Variants in OTUB2 observed in about 807,000 individuals in gnomAD.
OTUB2 encodes the protein OTU deubiquitinase, ubiquitin aldehyde binding 2.
In OTUB2, 21 loss-of-function variants were observed where a neutral mutation model predicts 25.1. The observed-to-expected ratio is 0.84, with a 90% CI of 0.59 to 1.21. The LOEUF is 1.21. OTUB2 is among the 50% of genes most tolerant of loss of function. The pLI, the probability that OTUB2 is intolerant of heterozygous loss-of-function variation, is 0.00. For missense variants in OTUB2, 283 were observed against 298.0 expected (o/e 0.95, Z 0.37); for synonymous variants, 122 against 122.8 (o/e 0.99, Z 0.04).
rs1258476302 is a variant in OTUB2 at position 94,047,285 on chromosome 14, T to G, written c.*1363T>G. On this transcript the variant is annotated 3_prime_UTR_variant, in exon 6 of 6. Coordinates refer to ENST00000203664, the MANE Select transcript of OTUB2 (RefSeq NM_023112.4). ...TGCATGAGTCTGCTGACAACCTGAC[T>G]GCACAAGGACTGGGTAGCAGACTCC... 1 of 152,230 alleles carries G rather than the reference T, an allele frequency of 6.6e-6. No individual in the cohort carries two copies. The highest frequency in any genetic ancestry group is 1.5e-5 in the Non-Finnish European group (1 of 68,052). The allele number at this position is 152,230 out of a possible 1,614,324, so 9.4% of individuals were successfully genotyped here.
intron 1 of OTUB2, among the ~76,000 whole-genome samples, chr14:94,035,293 T>C (rs866952350): frequency 0.13 from 18,364 of 136,438 alleles, 865 homozygotes; most frequent in African/African-American, 0.21. Flanking sequence ...TTTCTTTTTT[T>C]TTTTTTTTTT....
At chr14:94,044,832 G>C (rs752658737) in intron 5 of OTUB2, 52 bp downstream of exon 5, 7 of 1,543,182 alleles carry the variant, frequency 4.5e-6, no homozygotes, top group African/African-American at 4.1e-5. Flanking sequence ...CTGTGGCCCT[G>C]TCCTGCAGAC....
At chr14:94,036,191 G>A (rs1192993447) in intron 1 of OTUB2, among the ~76,000 whole-genome samples, 2 of 152,168 alleles carry the variant, frequency 1.3e-5, no homozygotes, top group African/African-American at 2.4e-5. Flanking sequence ...AGTCAGTGAT[G>A]AGGCTGAGAG....
At chr14:94,034,267 T>C (rs1885010798) in intron 1 of OTUB2, among the ~76,000 whole-genome samples, 1 of 152,248 alleles carries the variant, frequency 6.6e-6, no homozygotes, top group South Asian at 2.1e-4. Context: ...GGCTAGAAAA[T>C]GCTGTTGTGG....
chr14:94,032,262 G>C (rs529828843), intron 1 of OTUB2, among the ~76,000 whole-genome samples: 118 of 152,284 alleles, frequency 7.7e-4, no homozygotes, highest in Admixed American at 1.0e-3. Context: ...GATGGAGGTA[G>C]CCCACCTGCG....
Position 94,046,050 on chromosome 14 carries a change from C to A in OTUB2, c.*128C>A. On this transcript the variant is annotated 3_prime_UTR_variant, in exon 6 of 6. Coordinates refer to ENST00000203664, the MANE Select transcript of OTUB2 (RefSeq NM_023112.4). Reference sequence around the variant, plus strand: ...AAAATGTGCAGCCTTTTGGGCAAAGCCCCTGGGAACGAGGCCTATCCACTA... The same window carrying A: ...AAAATGTGCAGCCTTTTGGGCAAAGACCCTGGGAACGAGGCCTATCCACTA... The A allele has an allele frequency of 9.3e-7, 1 of 1,076,072 alleles. No individual in the cohort carries two copies. Among genetic ancestry groups the A allele is most frequent in the Non-Finnish European group, 1.4e-6 (1 of 738,140 alleles). The allele number at this position is 1,076,072 out of a possible 1,614,324, so 66.7% of individuals were successfully genotyped here.
rs985551714 is a variant in OTUB2 at position 94,039,135 on chromosome 14, G to A, written c.218+54G>A. ...GGGCTGTGTTCTCTGTGCTAGGTCA[G>A]CCTCAAGTCTCTCGGAGGTTTTCGT... On this transcript the variant is annotated intron_variant, in intron 3 of 5. Coordinates refer to ENST00000203664, the MANE Select transcript of OTUB2 (RefSeq NM_023112.4). 2.9e-6 allele frequency: 4 copies of A among 1,387,382 alleles called. No homozygotes were observed. The African/African-American group carries it at 5.8e-5, about 20-fold the overall frequency. The allele number at this position is 1,387,382 out of a possible 1,614,324, so 85.9% of individuals were successfully genotyped here.
chr14:94,033,727 C>A (rs772006012), intron 1 of OTUB2, among the ~76,000 whole-genome samples: 5 of 152,332 alleles, frequency 3.3e-5, no homozygotes, highest in East Asian at 3.9e-4. Flanking sequence ...ACGAATTGGG[C>A]AGAGCAGGTG....
At chr14:94,036,574 C>T (rs1885058290) in intron 1 of OTUB2, among the ~76,000 whole-genome samples, 1 of 152,172 alleles carries the variant, frequency 6.6e-6, no homozygotes, top group Non-Finnish European at 1.5e-5. Flanking sequence ...GCTGCTAGAA[C>T]GTGTCTCCTG....
At chr14:94,042,071 C>T (rs1183899975) in intron 3 of OTUB2, among the ~76,000 whole-genome samples, 1 of 152,224 alleles carries the variant, frequency 6.6e-6, no homozygotes, top group African/African-American at 2.4e-5. Context: ...CTGGAGCAAG[C>T]GTGTTGCAGC....
chr14:94,033,590 T>C (rs1002692852), intron 1 of OTUB2, among the ~76,000 whole-genome samples: 1 of 152,194 alleles, frequency 6.6e-6, no homozygotes, highest in Non-Finnish European at 1.5e-5. Context: ...ATCTATGATT[T>C]AAAAAGACCC....
intron 1 of OTUB2, among the ~76,000 whole-genome samples, chr14:94,030,433 A>G (rs1290497186): frequency 1.3e-5 from 2 of 152,042 alleles, no homozygotes; most frequent in African/African-American, 4.8e-5. Context: ...GTGGCTGTGG[A>G]GTCAGAGCTC....
intron 3 of OTUB2, among the ~76,000 whole-genome samples, chr14:94,042,394 C>T (rs555239589): frequency 7.4e-4 from 113 of 151,902 alleles, no homozygotes; most frequent in African/African-American, 2.5e-3. Flanking sequence ...ACAGAGCCTA[C>T]GACTGCATGC....
intron 1 of OTUB2, among the ~76,000 whole-genome samples, chr14:94,028,238 G>A (rs1884899473): frequency 6.6e-6 from 1 of 152,200 alleles, no homozygotes; most frequent in Non-Finnish European, 1.5e-5. Flanking sequence ...GGCCATGCAG[G>A]GTCTTTTCCC....
chr14:94,039,324 C>T, intron 3 of OTUB2: 1 of 567,140 alleles, frequency 1.8e-6, no homozygotes, highest in Non-Finnish European at 3.1e-6. Context: ...CTGCTTCCAC[C>T]ACAGGCCTGG....
At chr14:94,042,169 G>A (rs4243702) in intron 3 of OTUB2, among the ~76,000 whole-genome samples, 7 of 152,038 alleles carry the variant, frequency 4.6e-5, no homozygotes, top group Non-Finnish European at 7.4e-5. Context: ...GAGAACACGC[G>A]CCGCCTCTGA....
At chr14:94,030,145 T>A (rs1233176360) in intron 1 of OTUB2, among the ~76,000 whole-genome samples, 1 of 152,084 alleles carries the variant, frequency 6.6e-6, no homozygotes, top group Admixed American at 6.5e-5. Flanking sequence ...AAGCAGCTTG[T>A]ATTGGCTGCT....
At chr14:94,037,322 G>A (rs571982929) in intron 1 of OTUB2, 58 bp from the exon 2 acceptor site, 2 of 1,270,542 alleles carry the variant, frequency 1.6e-6, no homozygotes, top group South Asian at 1.3e-5. Flanking sequence ...CCAGCTCGGG[G>A]AGTCCCGTCC....
At chr14:94,026,876 C>T (rs1884873410) in intron 1 of OTUB2, among the ~76,000 whole-genome samples, 2 of 152,314 alleles carry the variant, frequency 1.3e-5, no homozygotes, top group South Asian at 4.1e-4. Flanking sequence ...GGCTGCAGCA[C>T]TACGGGTCGC....
Sources: gnomAD v4.1 joint callset for allele counts (sites outside exome capture counted in the v4.1 genomes callset) on GRCh38, gnomAD v4.1.1 for gene constraint, MANE v1.5 for transcripts, NCBI Gene and HGNC (gene_info 2026-07-23, HGNC 2026-07-21) for gene names.